Variants in CEP63 observed in about 807,000 individuals in gnomAD.
CEP63 encodes the protein centrosomal protein of 63 kDa.
In CEP63, 84 loss-of-function variants were observed where a neutral mutation model predicts 89.1. The observed-to-expected ratio is 0.94, with a 90% CI of 0.79 to 1.13. CEP63 has a LOEUF of 1.13. CEP63 is among the 50% of genes most tolerant of loss of function. CEP63 has a pLI of 0.00. For synonymous variants in CEP63, 267 were observed against 272.5 expected (o/e 0.98, Z 0.20); for missense variants, 838 against 813.3 (o/e 1.03, Z -0.37).
chr3:134,567,043 CA>C (rs1957796412), downstream of CEP63, among the ~76,000 whole-genome samples: 2 of 150,706 alleles, frequency 1.3e-5, no homozygotes, highest in Admixed American at 6.6e-5. Context: ...AATGAATAAA[CA>C]AAATGTATAT....
chr3:134,559,007 C>T (rs2110114954), intron 13 of CEP63, 143 bp from the exon 14 acceptor site: 1 of 763,666 alleles, frequency 1.3e-6, no homozygotes, highest in Non-Finnish European at 2.1e-6. Flanking sequence ...TGAAAGAAAT[C>T]TCTTTCTGAT....
At chr3:134,742,258 G>A in the CEP63 span, among the ~76,000 whole-genome samples, 1 of 152,026 alleles carries the variant, frequency 6.6e-6, no homozygotes, top group Non-Finnish European at 1.5e-5. Context: ...CCATCTGCAA[G>A]TTTTCCTCTC....
the CEP63 span, among the ~76,000 whole-genome samples, chr3:134,779,342 C>T: frequency 1.3e-5 from 2 of 152,132 alleles, no homozygotes; most frequent in Non-Finnish European, 2.9e-5. Flanking sequence ...TATAAGAATA[C>T]ACCATGATTT....
chr3:134,494,203 C>T (rs1938871459), intron 1 of CEP63, among the ~76,000 whole-genome samples: 2 of 151,532 alleles, frequency 1.3e-5, no homozygotes, highest in Admixed American at 6.6e-5. Flanking sequence ...GCAACCTCCG[C>T]CTCCCGACTT....
the CEP63 span, among the ~76,000 whole-genome samples, chr3:134,718,405 C>A: frequency 2.0e-5 from 3 of 152,200 alleles, no homozygotes; most frequent in African/African-American, 7.2e-5. Context: ...AGCAAATAAA[C>A]TTTCCATCTG....
At chr3:134,601,742 G>A in the CEP63 span, among the ~76,000 whole-genome samples, 1 of 152,244 alleles carries the variant, frequency 6.6e-6, no homozygotes, top group East Asian at 1.9e-4. Flanking sequence ...GAGGCCGCCG[G>A]CCTGTTGGAT....
At chr3:134,687,374 A>G in the CEP63 span, among the ~76,000 whole-genome samples, 1 of 152,260 alleles carries the variant, frequency 6.6e-6, no homozygotes, top group Admixed American at 6.5e-5. Context: ...CTCAGACTGC[A>G]GCAAACACAG....
chr3:134,614,783 A>G, the CEP63 span, among the ~76,000 whole-genome samples: 1 of 152,298 alleles, frequency 6.6e-6, no homozygotes, highest in African/African-American at 2.4e-5. Flanking sequence ...TGATGCTCCT[A>G]CAGTCAGTAC....
intron 5 of CEP63, among the ~76,000 whole-genome samples, chr3:134,533,153 A>C (rs1350958420): frequency 6.6e-6 from 1 of 152,112 alleles, no homozygotes; most frequent in Non-Finnish European, 1.5e-5. Flanking sequence ...AAATGTACGG[A>C]GACATATTTT....
intron 3 of CEP63, chr3:134,511,426 A>G (rs1944905574): frequency 6.5e-6 from 1 of 153,628 alleles, no homozygotes; most frequent in Admixed American, 6.5e-5. Context: ...TTCCAGAATC[A>G]AAATACTTCT....
At chr3:134,649,089 C>T in the CEP63 span, among the ~76,000 whole-genome samples, 7 of 152,346 alleles carry the variant, frequency 4.6e-5, no homozygotes, top group African/African-American at 1.7e-4. Context: ...AAAAGCCATG[C>T]ACTTTTCCTC....
chr3:134,622,265 A>G, the CEP63 span, among the ~76,000 whole-genome samples: 1,337 of 152,332 alleles, frequency 8.8e-3, 14 homozygotes, highest in Non-Finnish European at 0.014. Flanking sequence ...TGTTTCCCCA[A>G]TGTTCATTGC....
At chr3:134,622,008 A>G in the CEP63 span, among the ~76,000 whole-genome samples, 91,712 of 152,090 alleles carry the variant, frequency 0.6, 28,512 homozygotes, top group East Asian at 0.87. Flanking sequence ...CAAAACCACA[A>G]TGAGATAGCA....
At chr3:134,747,246 T>C in the CEP63 span, among the ~76,000 whole-genome samples, 1 of 152,240 alleles carries the variant, frequency 6.6e-6, no homozygotes, top group Non-Finnish European at 1.5e-5. Flanking sequence ...TGTGTGGTGT[T>C]ATTACTGAGG....
At chr3:134,608,540 G>T in the CEP63 span, 2 of 1,603,126 alleles carry the variant, frequency 1.2e-6, no homozygotes, top group Admixed American at 1.7e-5. Flanking sequence ...CACAAGCCAT[G>T]CGTCTGGAAG....
chr3:134,556,429 A>G (rs374495247), intron 12 of CEP63, among the ~76,000 whole-genome samples: 2 of 152,016 alleles, frequency 1.3e-5, no homozygotes, highest in South Asian at 2.1e-4. Context: ...ACAATAGCTA[A>G]ACATTTTGTA....
chr3:134,695,992 C>T, the CEP63 span, among the ~76,000 whole-genome samples: 2 of 152,204 alleles, frequency 1.3e-5, no homozygotes, highest in African/African-American at 2.4e-5. Flanking sequence ...TGAGTGCCCC[C>T]GGGCTTTTCA....
chr3:134,729,465 G>A, the CEP63 span, among the ~76,000 whole-genome samples: 1 of 152,164 alleles, frequency 6.6e-6, no homozygotes, highest in South Asian at 2.1e-4. Context: ...TCCACTGCAT[G>A]CGAGTGTTGT....
the CEP63 span, among the ~76,000 whole-genome samples, chr3:134,661,281 A>C: frequency 3.5e-4 from 54 of 152,224 alleles, no homozygotes; most frequent in African/African-American, 1.3e-3. Context: ...TATTCCTTCC[A>C]TTGAAACCTA....
Sources: allele counts gnomAD v4.1 joint callset (sites outside exome capture counted in the v4.1 genomes callset), GRCh38; gene constraint gnomAD v4.1.1; transcripts MANE v1.5; gene names NCBI Gene and HGNC (gene_info 2026-07-23, HGNC 2026-07-21).